Variants in CTNNA2 observed in about 807,000 individuals in gnomAD.
CTNNA2 encodes catenin alpha-2.
A neutral mutation model predicts 101.0 loss-of-function variants in CTNNA2; 42 were observed. The ratio of observed to expected loss-of-function variants is 0.42; its 90% CI spans 0.32 to 0.54. The LOEUF (loss-of-function observed/expected upper bound fraction) is 0.54, where lower values mean the gene tolerates loss of function less well. CTNNA2 is among the 20% of genes least tolerant of loss of function. The pLI is 0.14. For synonymous variants in CTNNA2, 450 were observed against 456.4 expected, an observed-to-expected ratio of 0.99 and a Z score of 0.18; for missense variants, 871 against 1,223.1, an observed-to-expected ratio of 0.71 and a Z score of 4.29.
At chr2:79,395,270 T>G (rs1160235355) in intron 4 of CTNNA2, among the ~76,000 whole-genome samples, 2 of 152,120 alleles carry the variant, frequency 1.3e-5, no homozygotes, top group Non-Finnish European at 2.9e-5. Flanking sequence ...CTTTAAGTTT[T>G]AGGGTACATG....
In CTNNA2 at chr2:80,032,338, A is replaced by G. The variant is rs555232302; in HGVS notation, c.1056+122541A>G. Among the ~76,000 whole-genome samples the G allele has an allele frequency of 8.7e-4, 132 of 152,292 alleles. 2 individuals carry two copies. The highest frequency in any genetic ancestry group is 3.0e-3 in the African/African-American group (125 of 41,558). Reference sequence around the variant, plus strand: ...AATATCCTGCATGAAATATGACTAAACAGAAAGCAGCTGGCAGTTAAGGGA... The same window carrying G: ...AATATCCTGCATGAAATATGACTAAGCAGAAAGCAGCTGGCAGTTAAGGGA... On this transcript the variant is annotated intron_variant, in intron 7 of 18. Coordinates refer to ENST00000402739, the MANE Select transcript of CTNNA2 (RefSeq NM_001282597.3).
chr2:80,505,595 G>A lies in CTNNA2; in HGVS notation c.1291-39387G>A, dbSNP rs56225354. Among the ~76,000 whole-genome samples, 375 of 152,216 alleles carry A rather than the reference G, an allele frequency of 2.5e-3. 1 individual carries two copies. Among genetic ancestry groups the A allele is most frequent in the African/African-American group, 8.2e-3 (342 of 41,554 alleles). On this transcript the variant is annotated intron_variant, in intron 9 of 18. Coordinates refer to ENST00000402739, the MANE Select transcript of CTNNA2 (RefSeq NM_001282597.3). ...ATATCAGCAGTGTGGTGGATGAAGG[G>A]GAACATGAATTAGGGGTGATATCTA... is the stretch of plus-strand genomic sequence containing the variant.
chr2:80,365,911 T>C (rs1299937751), intron 7 of CTNNA2, among the ~76,000 whole-genome samples: 2 of 152,192 alleles, frequency 1.3e-5, no homozygotes, highest in Non-Finnish European at 2.9e-5. Context: ...TCGGCTGTTA[T>C]GCTTGCCCCT....
chr2:79,517,106 G>A (rs941892041), intron 1 of CTNNA2, among the ~76,000 whole-genome samples: 14 of 152,142 alleles, frequency 9.2e-5, no homozygotes, highest in African/African-American at 3.4e-4. Context: ...CATGGAGCAG[G>A]TTAAGTATAC....
At chr2:79,885,978 A>C (rs1683828611) in intron 6 of CTNNA2, among the ~76,000 whole-genome samples, 1 of 152,242 alleles carries the variant, frequency 6.6e-6, no homozygotes, top group African/African-American at 2.4e-5. Context: ...CCAGATAGCT[A>C]AGATCATTCA....
chr2:80,118,270 G>C (rs983945139), intron 7 of CTNNA2, among the ~76,000 whole-genome samples: 3 of 152,128 alleles, frequency 2.0e-5, no homozygotes, highest in Non-Finnish European at 4.4e-5. Context: ...AATAGACGTG[G>C]GGCATGAATA....
chr2:80,193,477 AATT>A (rs2149001765), intron 7 of CTNNA2, among the ~76,000 whole-genome samples: 1 of 152,304 alleles, frequency 6.6e-6, no homozygotes, highest in South Asian at 2.1e-4. Flanking sequence ...GTGAGATTGG[AATT>A]ATTCCCTTCT....
chr2:79,584,365 T>C (rs1214478279), intron 1 of CTNNA2, among the ~76,000 whole-genome samples: 2 of 152,116 alleles, frequency 1.3e-5, no homozygotes, highest in African/African-American at 4.8e-5. Flanking sequence ...TTGTGGTGAT[T>C]TTTTTTCTTG....
intron 7 of CTNNA2, among the ~76,000 whole-genome samples, chr2:80,177,682 C>T (rs1335295925): frequency 6.6e-6 from 1 of 152,202 alleles, no homozygotes; most frequent in East Asian, 1.9e-4. Flanking sequence ...TGGCTATGGT[C>T]ACCCTTTGGT....
At chr2:79,626,421 T>C (rs974791006) in intron 1 of CTNNA2, among the ~76,000 whole-genome samples, 5 of 152,276 alleles carry the variant, frequency 3.3e-5, no homozygotes, top group Admixed American at 6.5e-5. Context: ...TAACCAAGTT[T>C]GTACCATTAG....
At chr2:79,877,337 G>A (rs577248525) in intron 6 of CTNNA2, among the ~76,000 whole-genome samples, 103 of 152,214 alleles carry the variant, frequency 6.8e-4, no homozygotes, top group African/African-American at 2.1e-3. Flanking sequence ...CTCAAAAGTA[G>A]TAATGCTAGT....
intron 4 of CTNNA2, among the ~76,000 whole-genome samples, chr2:79,455,991 A>C (rs1289956663): frequency 6.6e-6 from 1 of 152,106 alleles, no homozygotes; most frequent in Non-Finnish European, 1.5e-5. Context: ...AATCTTAATA[A>C]AGATTCTTAA....
At chr2:80,155,072 T>C (rs879872274) in intron 7 of CTNNA2, among the ~76,000 whole-genome samples, 3 of 152,216 alleles carry the variant, frequency 2.0e-5, no homozygotes, top group Admixed American at 6.5e-5. Flanking sequence ...GTCTAGCTTA[T>C]TTAAGGACAG....
At chr2:80,545,167 C>G in intron 10 of CTNNA2, 93 bp downstream of exon 10, 1 of 1,160,642 alleles carries the variant, frequency 8.6e-7, no homozygotes, top group East Asian at 2.4e-5. Context: ...TTTCCTCTTG[C>G]TGAAAAAGGC....
chr2:79,714,583 C>G (rs1237520545), intron 2 of CTNNA2, among the ~76,000 whole-genome samples: 1 of 151,884 alleles, frequency 6.6e-6, no homozygotes, highest in Admixed American at 6.6e-5. Context: ...AATGCCCAAT[C>G]TTTCACCCAG....
intron 15 of CTNNA2, among the ~76,000 whole-genome samples, chr2:80,601,127 C>A (rs946596123): frequency 6.6e-6 from 1 of 152,114 alleles, no homozygotes; most frequent in East Asian, 1.9e-4. Context: ...TCCTAAAAAC[C>A]TAACAAATAA....
chr2:79,919,074 G>A (rs1574311223), intron 7 of CTNNA2, among the ~76,000 whole-genome samples: 1 of 152,174 alleles, frequency 6.6e-6, no homozygotes, highest in Non-Finnish European at 1.5e-5. Flanking sequence ...TGGGGCAGGC[G>A]GTTCTTGGCC....
At chr2:79,655,953 C>T (rs1442029333) in intron 2 of CTNNA2, among the ~76,000 whole-genome samples, 1 of 152,044 alleles carries the variant, frequency 6.6e-6, no homozygotes, top group East Asian at 1.9e-4. Flanking sequence ...GTGGCTAATT[C>T]ATATTTGTTC....
rs115439308 is a variant in CTNNA2 at position 79,576,232 on chromosome 2, G to A, written c.-6+63025G>A. On this transcript the variant is annotated intron_variant, in intron 1 of 18. Transcript: ENST00000402739. ...AAATAAATACATATTTAGATGTCTA[G>A]CTGTGTTTGCTCTGTTAGAAATCAA... Among the ~76,000 whole-genome samples the A allele has an allele frequency of 5.8e-3, 886 of 152,240 alleles. 2 individuals carry two copies. The highest frequency in any genetic ancestry group is 0.02 in the African/African-American group (835 of 41,546).
Sources: allele counts gnomAD v4.1 joint callset (sites outside exome capture counted in the v4.1 genomes callset), GRCh38; gene constraint gnomAD v4.1.1; transcripts MANE v1.5; gene names NCBI Gene and HGNC (gene_info 2026-07-23, HGNC 2026-07-21).